Variants in TULP4 observed in about 807,000 individuals in gnomAD.
TULP4 encodes the protein tubby-related protein 4.
In TULP4, 16 loss-of-function variants were observed where a neutral mutation model predicts 129.0. That is an observed-to-expected ratio of 0.12 (90% confidence interval 0.08 to 0.19). The LOEUF (loss-of-function observed/expected upper bound fraction) is 0.19, where lower values mean the gene tolerates loss of function less well. Among genes scored for constraint, TULP4 ranks in the 10% least tolerant of loss-of-function variants. The probability of loss-of-function intolerance (pLI) is 1.00; values close to 1 mark genes in which losing one functional copy is unlikely to be tolerated. For missense variants in TULP4, 1,842 were observed against 2,059.1 expected, an observed-to-expected ratio of 0.89 and a Z score of 2.04; for synonymous variants, 998 against 854.0, an observed-to-expected ratio of 1.17 and a Z score of -2.94.
chr6:158,237,652 T>A, intron 1 of TULP4: 1 of 1,296,228 alleles, frequency 7.7e-7, no homozygotes, highest in Non-Finnish European at 1.1e-6. Flanking sequence ...AAGTTTTGGG[T>A]CATAATTCTT....
intron 8 of TULP4, among the ~76,000 whole-genome samples, chr6:158,486,008 A>T (rs1162918666): frequency 6.6e-6 from 1 of 152,180 alleles, no homozygotes; most frequent in Non-Finnish European, 1.5e-5. Flanking sequence ...TTTAAATGAG[A>T]TTCTGGACTT....
In TULP4 at chr6:158,425,905, C is replaced by CT. The variant is rs749692235; in HGVS notation, c.382-3826dup. On this transcript the variant is annotated intron_variant, in intron 2 of 13. Transcript: ENST00000367097. ...CACCTCGCCCTGCCCTGTTTTTTGA[C>CT]TTTTTAATCGTAGCCATTCCAACTG... is the stretch of plus-strand genomic sequence containing the variant. Among the ~76,000 whole-genome samples the CT allele has an allele frequency of 5.3e-5, 8 of 152,158 alleles. No individual in the cohort carries two copies. The South Asian group carries it at 1.4e-3, about 28-fold the overall frequency.
At chr6:158,460,181 G>A (rs1282607436) in intron 5 of TULP4, among the ~76,000 whole-genome samples, 2 of 152,168 alleles carry the variant, frequency 1.3e-5, no homozygotes, top group African/African-American at 2.4e-5. Flanking sequence ...ACACACTCTA[G>A]TTTTCAAGAG....
upstream of TULP4, among the ~76,000 whole-genome samples, chr6:158,311,746 C>T (rs567849156): frequency 6.6e-6 from 1 of 152,288 alleles, no homozygotes; most frequent in Non-Finnish European, 1.5e-5. Context: ...AGTTCAGTCT[C>T]TTAGAAAGTA....
chr6:158,334,634 C>T (rs182696433), intron 1 of TULP4, among the ~76,000 whole-genome samples: 6 of 152,214 alleles, frequency 3.9e-5, no homozygotes, highest in East Asian at 1.9e-4. Flanking sequence ...TAGTTAAATA[C>T]GGAAGCTCCT....
intron 6 of TULP4, among the ~76,000 whole-genome samples, chr6:158,462,011 C>T (rs1779440320): frequency 6.6e-6 from 1 of 152,178 alleles, no homozygotes; most frequent in Admixed American, 6.5e-5. Context: ...TGAATCTTCA[C>T]TTATTCACTT....
At chr6:158,291,799 GCTGATGTCTTAATTGTA>G (rs1183952268) in intron 1 of TULP4, among the ~76,000 whole-genome samples, 1 of 151,896 alleles carries the variant, frequency 6.6e-6, no homozygotes, top group African/African-American at 2.4e-5. Context: ...TCCTTTTTTA[GCTGATGTCTTAATTGTA>G]GACTGCATTT....
At chr6:158,237,712 T>C in intron 1 of TULP4, 1 of 963,166 alleles carries the variant, frequency 1.0e-6, no homozygotes, top group Non-Finnish European at 1.7e-6. Context: ...TCCTTGTTCC[T>C]TTGGTTGACT....
At chr6:158,250,119 A>C (rs1475101029) in intron 1 of TULP4, among the ~76,000 whole-genome samples, 3 of 151,400 alleles carry the variant, frequency 2.0e-5, no homozygotes, top group African/African-American at 7.3e-5. Flanking sequence ...TAGAGACATG[A>C]GCCACCATTC....
intron 12 of TULP4, among the ~76,000 whole-genome samples, chr6:158,500,127 C>A (rs1166033245): frequency 1.3e-5 from 2 of 152,192 alleles, no homozygotes; most frequent in African/African-American, 4.8e-5. Context: ...ACAGCCCTCT[C>A]CAAGGTTCAG....
At chr6:158,421,083 C>T (rs1308165667) in intron 2 of TULP4, among the ~76,000 whole-genome samples, 4 of 152,148 alleles carry the variant, frequency 2.6e-5, no homozygotes, top group Admixed American at 6.5e-5. Context: ...CATTGGTGGC[C>T]GGGCGCGGTG....
chr6:158,238,322 G>C (rs1049219842), intron 1 of TULP4: 4 of 866,176 alleles, frequency 4.6e-6, no homozygotes, highest in South Asian at 1.5e-5. Context: ...ATAGGTGAGA[G>C]ATGCTCGGGA....
At chr6:158,244,417 C>G (rs1331280023) in intron 1 of TULP4, among the ~76,000 whole-genome samples, 1 of 152,166 alleles carries the variant, frequency 6.6e-6, no homozygotes, top group East Asian at 1.9e-4. Flanking sequence ...AGTCCCCCTA[C>G]CCCCGTTCAT....
At chr6:158,395,358 A>G (rs1777682510) in intron 1 of TULP4, among the ~76,000 whole-genome samples, 1 of 152,074 alleles carries the variant, frequency 6.6e-6, no homozygotes, top group Non-Finnish European at 1.5e-5. Context: ...AGGCAGGCGG[A>G]TCACCTAAGG....
upstream of TULP4, chr6:158,311,941 T>G (rs904069328): frequency 1.5e-5 from 6 of 392,906 alleles, no homozygotes; most frequent in Non-Finnish European, 2.7e-5. Flanking sequence ...CCATTTGATG[T>G]AAGTGTAAAG....
At chr6:158,376,546 G>C (rs1344726193) in intron 1 of TULP4, among the ~76,000 whole-genome samples, 1 of 152,234 alleles carries the variant, frequency 6.6e-6, no homozygotes, top group Non-Finnish European at 1.5e-5. Flanking sequence ...AAGCCCACCA[G>C]ATTCAAGAGG....
intron 1 of TULP4, among the ~76,000 whole-genome samples, chr6:158,368,419 C>G (rs1776993079): frequency 6.6e-6 from 1 of 152,210 alleles, no homozygotes; most frequent in Non-Finnish European, 1.5e-5. Context: ...TCTCATGCCT[C>G]AGCCTCCCAA....
At chr6:158,293,836 C>T (rs536408787) in intron 1 of TULP4, among the ~76,000 whole-genome samples, 139 of 152,252 alleles carry the variant, frequency 9.1e-4, no homozygotes, top group African/African-American at 3.2e-3. Context: ...ATCCCATTAC[C>T]TTTGCAGGGA....
intron 10 of TULP4, 100 bp from the exon 11 acceptor site, chr6:158,494,653 T>G: frequency 9.0e-7 from 1 of 1,114,716 alleles, no homozygotes; most frequent in Non-Finnish European, 1.3e-6. Context: ...CAGTGCACAC[T>G]CGTGGCTTAA....
Sources: allele counts gnomAD v4.1 joint callset (sites outside exome capture counted in the v4.1 genomes callset), GRCh38; gene constraint gnomAD v4.1.1; transcripts MANE v1.5; gene names NCBI Gene and HGNC (gene_info 2026-07-23, HGNC 2026-07-21).